Variants in ULK4 observed in about 807,000 individuals in gnomAD.
ULK4 encodes the protein inactive serine/threonine-protein kinase ULK4.
Under a neutral mutation model 160.6 loss-of-function variants are expected in ULK4, and 133 were observed. The observed-to-expected ratio is 0.83, with a 90% CI of 0.72 to 0.96. The LOEUF (loss-of-function observed/expected upper bound fraction) is 0.96. ULK4 is among the 40% of genes least tolerant of loss of function. The pLI, the probability that ULK4 is intolerant of heterozygous loss-of-function variation, is 0.00. For missense variants in ULK4, 1,580 were observed against 1,499.5 expected, an observed-to-expected ratio of 1.05 and a Z score of -0.89; for synonymous variants, 534 against 539.8, an observed-to-expected ratio of 0.99 and a Z score of 0.15.
intron 29 of ULK4, 80 bp downstream of exon 29, chr3:41,681,428 C>G (rs1468605257): frequency 6.3e-7 from 1 of 1,577,332 alleles, no homozygotes; most frequent in Non-Finnish European, 8.6e-7. Context: ...AGACCCCAAC[C>G]CCATCACTGA....
At chr3:41,785,772 T>C (rs1313803254) in intron 21 of ULK4, among the ~76,000 whole-genome samples, 1 of 152,132 alleles carries the variant, frequency 6.6e-6, no homozygotes, top group Admixed American at 6.5e-5. Flanking sequence ...AAGACAATGA[T>C]CATTGCACTA....
chr3:41,869,294 A>G (rs570175170), intron 17 of ULK4, among the ~76,000 whole-genome samples: 1 of 152,312 alleles, frequency 6.6e-6, no homozygotes, highest in East Asian at 1.9e-4. Context: ...TATGGGCTAT[A>G]CAGGGCACCA....
chr3:41,405,630 C>T (rs573853224), intron 34 of ULK4, among the ~76,000 whole-genome samples: 4 of 152,260 alleles, frequency 2.6e-5, no homozygotes, highest in Admixed American at 1.3e-4. Context: ...GTCTCACCAG[C>T]GTCTGTTTTT....
At chr3:41,392,993 TCATG>T (rs1327974299) in intron 35 of ULK4, among the ~76,000 whole-genome samples, 1 of 152,120 alleles carries the variant, frequency 6.6e-6, no homozygotes, top group Non-Finnish European at 1.5e-5. Context: ...ATATCCAATC[TCATG>T]CAGTCTTCAG....
chr3:41,706,885 G>GTA (rs2036916180), intron 25 of ULK4, among the ~76,000 whole-genome samples: 1 of 127,492 alleles, frequency 7.8e-6, no homozygotes, highest in Non-Finnish European at 1.5e-5. Context: ...GTGTGTGTGT[G>GTA]TGTGTATATA....
At chr3:41,872,123 C>T (rs902744439) in intron 17 of ULK4, among the ~76,000 whole-genome samples, 1 of 152,144 alleles carries the variant, frequency 6.6e-6, no homozygotes, top group African/African-American at 2.4e-5. Flanking sequence ...CCCTTAGTCC[C>T]GGTACAGGAC....
At chr3:41,725,717 T>C (rs929735783) in intron 22 of ULK4, among the ~76,000 whole-genome samples, 1 of 152,214 alleles carries the variant, frequency 6.6e-6, no homozygotes, top group Non-Finnish European at 1.5e-5. Flanking sequence ...TTTATTCATA[T>C]CATCTTGTCT....
At chr3:41,519,613 C>T (rs577666705) in intron 32 of ULK4, among the ~76,000 whole-genome samples, 12 of 152,202 alleles carry the variant, frequency 7.9e-5, no homozygotes, top group African/African-American at 2.4e-4. Context: ...AAAACAGGGG[C>T]AGGAGAATCA....
chr3:41,389,010 T>C (rs2081890504), intron 35 of ULK4, among the ~76,000 whole-genome samples: 1 of 152,012 alleles, frequency 6.6e-6, no homozygotes, highest in Non-Finnish European at 1.5e-5. Flanking sequence ...CCCATGAGCA[T>C]GGAATGTTCT....
chr3:41,822,834 G>A lies in ULK4; in HGVS notation c.1765-3328C>T, dbSNP rs1433363779. On this transcript the variant is annotated intron_variant, in intron 18 of 36. Coordinates refer to ENST00000301831, the MANE Select transcript of ULK4 (RefSeq NM_017886.4). ...CCTCCCAGGTTCACGCCATTCTCCT[G>A]CCTCAGCCTCCCAAGTAGCTGGGAC... Among the ~76,000 whole-genome samples the A allele has an allele frequency of 2.7e-5, 4 of 146,784 alleles. No individual in the cohort carries two copies. In the South Asian group the frequency reaches 6.4e-4, roughly 23 times the overall value.
At chr3:41,511,030 G>A (rs2085555100) in intron 32 of ULK4, among the ~76,000 whole-genome samples, 1 of 152,028 alleles carries the variant, frequency 6.6e-6, no homozygotes, top group African/African-American at 2.4e-5. Context: ...GGGCGTGGTG[G>A]CATGCACCTG....
chr3:41,252,678 A>G (rs1418403844), intron 35 of ULK4, among the ~76,000 whole-genome samples: 2 of 152,088 alleles, frequency 1.3e-5, no homozygotes, highest in Non-Finnish European at 2.9e-5. Context: ...GACAATAGCA[A>G]TAAGTTTTTG....
At chr3:41,760,490 T>C (rs2038950578) in intron 21 of ULK4, among the ~76,000 whole-genome samples, 1 of 152,172 alleles carries the variant, frequency 6.6e-6, no homozygotes, top group South Asian at 2.1e-4. Context: ...TATTTAGTTA[T>C]AATACAGATT....
At chr3:41,602,092 A>G (rs1281639969) in intron 31 of ULK4, among the ~76,000 whole-genome samples, 1 of 152,034 alleles carries the variant, frequency 6.6e-6, no homozygotes, top group Non-Finnish European at 1.5e-5. Flanking sequence ...GCCACTAAAG[A>G]GGCTGAGGTA....
intron 32 of ULK4, among the ~76,000 whole-genome samples, chr3:41,469,219 C>A (rs2083908876): frequency 6.6e-6 from 1 of 152,132 alleles, no homozygotes; most frequent in Non-Finnish European, 1.5e-5. Context: ...CAAAGCTCAC[C>A]TCAAGAGCCT....
chr3:41,484,936 G>T (rs2084470621), intron 32 of ULK4, among the ~76,000 whole-genome samples: 1 of 152,130 alleles, frequency 6.6e-6, no homozygotes, highest in South Asian at 2.1e-4. Context: ...CAATAAAGAT[G>T]TATGATAACA....
Position 41,413,057 on chromosome 3 carries a change from T to C in ULK4, c.3493-14793A>G, listed in dbSNP as rs142203096. ...GGCTTAATGGACTTACAGCTCCACA[T>C]GGCTGGGGAGGCCTCACAATCATGG... On this transcript the variant is annotated intron_variant, in intron 34 of 36. Coordinates refer to ENST00000301831, the MANE Select transcript of ULK4 (RefSeq NM_017886.4). Among the ~76,000 whole-genome samples, 690 of 152,262 alleles carry C rather than the reference T, an allele frequency of 4.5e-3. 1 individual carries two copies. Among genetic ancestry groups the C allele is most frequent in the African/African-American group, 0.016 (663 of 41,556 alleles).
chr3:41,594,857 G>A (rs531111362), intron 31 of ULK4, among the ~76,000 whole-genome samples: 2 of 152,236 alleles, frequency 1.3e-5, no homozygotes, highest in African/African-American at 4.8e-5. Context: ...CAGGATGGTG[G>A]CTTGGACTAC....
intron 17 of ULK4, among the ~76,000 whole-genome samples, chr3:41,847,228 T>C (rs746963784): frequency 6.6e-6 from 1 of 152,070 alleles, no homozygotes; most frequent in Non-Finnish European, 1.5e-5. Context: ...TTAAGAAAAA[T>C]ACAGGAAGAT....
Sources: allele counts gnomAD v4.1 joint callset (sites outside exome capture counted in the v4.1 genomes callset), GRCh38; gene constraint gnomAD v4.1.1; transcripts MANE v1.5; gene names NCBI Gene and HGNC (gene_info 2026-07-23, HGNC 2026-07-21).